The following RHOJ variants were observed in gnomAD, a reference collection of about 807,000 sequenced individuals.
RHOJ encodes the protein rho-related GTP-binding protein RhoJ.
In RHOJ, 11 loss-of-function variants were observed where a neutral mutation model predicts 23.4. The ratio of observed to expected loss-of-function variants is 0.47; its 90% CI spans 0.30 to 0.78. RHOJ has a LOEUF of 0.78. RHOJ is among the 30% of genes least tolerant of loss of function. The probability of loss-of-function intolerance (pLI) is 0.08; values close to 1 mark genes in which losing one functional copy is unlikely to be tolerated. For missense variants in RHOJ, 254 were observed against 273.4 expected, an observed-to-expected ratio of 0.93 and a Z score of 0.50; for synonymous variants, 102 against 102.7, an observed-to-expected ratio of 0.99 and a Z score of 0.04.
At chr14:63,256,839 C>A (rs962505440) in intron 1 of RHOJ, among the ~76,000 whole-genome samples, 1 of 151,454 alleles carries the variant, frequency 6.6e-6, no homozygotes, top group African/African-American at 2.4e-5. Flanking sequence ...TTTGGGAGGT[C>A]GAGGCAGGCG....
intron 1 of RHOJ, among the ~76,000 whole-genome samples, chr14:63,253,484 G>A (rs10147128): frequency 0.024 from 3,708 of 151,922 alleles, 143 homozygotes; most frequent in African/African-American, 0.081. Context: ...TCCTGCCTTG[G>A]CCTCCCAAAG....
intron 1 of RHOJ, among the ~76,000 whole-genome samples, chr14:63,252,774 A>G (rs1895094492): frequency 6.6e-6 from 1 of 152,182 alleles, no homozygotes; most frequent in African/African-American, 2.4e-5. Context: ...AAATGGAATA[A>G]GATATATCTC....
chr14:63,207,444 C>T (rs1018267558), intron 1 of RHOJ, among the ~76,000 whole-genome samples: 21 of 152,316 alleles, frequency 1.4e-4, no homozygotes, highest in African/African-American at 4.8e-4. Flanking sequence ...TAGGCAGTCA[C>T]GTGAGAATCT....
chr14:63,228,760 A>G (rs1263056146), intron 1 of RHOJ, among the ~76,000 whole-genome samples: 1 of 152,240 alleles, frequency 6.6e-6, no homozygotes, highest in Non-Finnish European at 1.5e-5. Flanking sequence ...AATGAGAAAC[A>G]TGAGTGGGAA....
At chr14:63,253,277 A>AT (rs930483909) in intron 1 of RHOJ, among the ~76,000 whole-genome samples, 3 of 151,912 alleles carry the variant, frequency 2.0e-5, no homozygotes, top group African/African-American at 7.3e-5. Context: ...GCTTTAGATA[A>AT]TTTTTTTTAG....
At chr14:63,259,612 G>C (rs561593490) in intron 1 of RHOJ, among the ~76,000 whole-genome samples, 3 of 152,170 alleles carry the variant, frequency 2.0e-5, no homozygotes, top group African/African-American at 7.2e-5. Flanking sequence ...TAATAATAAA[G>C]GTAACAGTGA....
chr14:63,270,890 C>T (rs1895457353), intron 2 of RHOJ, among the ~76,000 whole-genome samples: 1 of 152,172 alleles, frequency 6.6e-6, no homozygotes, highest in Admixed American at 6.5e-5. Flanking sequence ...CAAGTATTGC[C>T]TCCTGTGTGT....
chr14:63,290,176 G>A (rs1285458093), intron 4 of RHOJ, among the ~76,000 whole-genome samples: 2 of 152,202 alleles, frequency 1.3e-5, no homozygotes, highest in Admixed American at 1.3e-4. Context: ...CCAGGAGGCA[G>A]AGGTTGCAGA....
In RHOJ at chr14:63,204,617, TTTC is replaced by T; in HGVS notation, c.-250_-248del. Reference sequence around the variant, plus strand: ...CCCTCGAATTCTGTGAAAATGAGGGTTTCTTAACTCACACTGAGAGCGGAAAGG... The same window carrying T: ...CCCTCGAATTCTGTGAAAATGAGGGTTTAACTCACACTGAGAGCGGAAAGG... On this transcript the variant is annotated 5_prime_UTR_variant, in exon 1 of 5. An upstream open reading frame in the 5' UTR gains an earlier in-frame stop. Transcript: ENST00000316754. 1.9e-6 allele frequency: 1 copy of T among 513,902 alleles called. No homozygotes were observed. 31.8% of individuals were successfully genotyped at this position (513,902 alleles called of 1,614,324 possible). A position where few individuals can be genotyped will look rare whatever the true frequency, so the allele number is the denominator to read the frequency against.
At chr14:63,212,787 T>A (rs1303062145) in intron 1 of RHOJ, among the ~76,000 whole-genome samples, 1 of 152,206 alleles carries the variant, frequency 6.6e-6, no homozygotes, top group Non-Finnish European at 1.5e-5. Context: ...CTCTTCCCTT[T>A]CTTATAACAC....
At chr14:63,288,541 A>G (rs1213217958) in intron 4 of RHOJ, among the ~76,000 whole-genome samples, 2 of 152,388 alleles carry the variant, frequency 1.3e-5, no homozygotes, top group South Asian at 2.1e-4. Flanking sequence ...TGAATCAAGC[A>G]TTGAACACAG....
intron 1 of RHOJ, among the ~76,000 whole-genome samples, chr14:63,220,872 G>T (rs570495904): frequency 3.3e-5 from 5 of 152,252 alleles, no homozygotes; most frequent in African/African-American, 7.2e-5. Flanking sequence ...AATGGCTAAT[G>T]ATACAGAAAT....
rs188347658 is a variant in RHOJ, at chr14:63,274,063, C to T, written c.237+4895C>T. Among the ~76,000 whole-genome samples the T allele has an allele frequency of 2.1e-3, 325 of 152,300 alleles. 2 individuals are homozygous for T. Among genetic ancestry groups the T allele is most frequent in the African/African-American group, 7.4e-3 (306 of 41,576 alleles). ...CCCCAGGCCCTGATTTCTGAAGTCC[C>T]GCTTTCCCCCAATGGCTAAGGAAGC... On this transcript the variant is annotated intron_variant, in intron 2 of 4. Coordinates refer to ENST00000316754, the MANE Select transcript of RHOJ (RefSeq NM_020663.5).
intron 1 of RHOJ, among the ~76,000 whole-genome samples, chr14:63,252,167 C>G (rs1895083573): frequency 6.6e-6 from 1 of 152,184 alleles, no homozygotes; most frequent in Non-Finnish European, 1.5e-5. Context: ...TTCCTACAGG[C>G]TCCAGGGGAG....
chr14:63,207,247 G>A (rs1172386336), intron 1 of RHOJ, among the ~76,000 whole-genome samples: 2 of 152,010 alleles, frequency 1.3e-5, no homozygotes, highest in Non-Finnish European at 2.9e-5. Context: ...GGCCAGGCTG[G>A]TCTTGAACTC....
chr14:63,215,921 T>C (rs1045669228), intron 1 of RHOJ, among the ~76,000 whole-genome samples: 29 of 152,310 alleles, frequency 1.9e-4, no homozygotes, highest in African/African-American at 6.5e-4. Context: ...AATGAATGAA[T>C]GACATCCAAG....
intron 1 of RHOJ, among the ~76,000 whole-genome samples, chr14:63,214,936 C>T (rs1318079673): frequency 1.3e-5 from 2 of 152,044 alleles, no homozygotes; most frequent in African/African-American, 4.8e-5. Flanking sequence ...TTAGAGAGCA[C>T]CTGCCCTCAT....
intron 1 of RHOJ, among the ~76,000 whole-genome samples, chr14:63,266,258 G>C (rs762676923): frequency 6.6e-6 from 1 of 152,156 alleles, no homozygotes; most frequent in Admixed American, 6.5e-5. Flanking sequence ...TATTACTACA[G>C]AGCCTGTTTT....
chr14:63,235,363 C>A (rs1894770395), intron 1 of RHOJ, among the ~76,000 whole-genome samples: 1 of 152,050 alleles, frequency 6.6e-6, no homozygotes, highest in Non-Finnish European at 1.5e-5. Flanking sequence ...TTTTAATATG[C>A]AGTGATTTAG....
Sources: gnomAD v4.1 joint callset for allele counts (sites outside exome capture counted in the v4.1 genomes callset) on GRCh38, gnomAD v4.1.1 for gene constraint, MANE v1.5 for transcripts, NCBI Gene and HGNC (gene_info 2026-07-23, HGNC 2026-07-21) for gene names.